The following OR9I1 variants were observed in gnomAD, a reference collection of about 807,000 sequenced individuals.
OR9I1 encodes the protein olfactory receptor family 9 subfamily I member 1.
A neutral mutation model predicts 11.2 loss-of-function variants in OR9I1; 7 were observed. The observed-to-expected ratio is 0.62, with a 90% CI of 0.36 to 1.17. The LOEUF (loss-of-function observed/expected upper bound fraction) is 1.17. OR9I1 is among the 50% of genes most tolerant of loss of function. The probability of loss-of-function intolerance (pLI) is 0.02; values close to 1 mark genes in which losing one functional copy is unlikely to be tolerated. For missense variants in OR9I1, 428 were observed against 377.2 expected (o/e 1.13, Z -1.12); for synonymous variants, 165 against 153.4 (o/e 1.08, Z -0.56).
chr11:58,117,345 C>T lies in OR9I1; in HGVS notation c.*1155G>A, dbSNP rs572075617. The T allele has an allele frequency of 2.0e-5, 3 of 152,248 alleles. No individual in the cohort carries two copies. In the East Asian group the frequency reaches 5.8e-4, roughly 29 times the overall value. 9.4% of individuals were successfully genotyped at this position (152,248 alleles called of 1,614,324 possible). A position where few individuals can be genotyped will look rare whatever the true frequency, so the allele number is the denominator to read the frequency against. ...ATTCTGATTCAAGCCTGACTCCATC[C>T]CTTGTCTACTGCTGTATACTCCGAG... is the stretch of plus-strand genomic sequence containing the variant. On this transcript the variant is annotated 3_prime_UTR_variant, in exon 3 of 3. Coordinates refer to ENST00000641439, the MANE Select transcript of OR9I1 (RefSeq NM_001005211.2).
chr11:58,123,537 T>A (rs117888224), intron 2 of OR9I1, among the ~76,000 whole-genome samples: 4 of 152,304 alleles, frequency 2.6e-5, no homozygotes, highest in Non-Finnish European at 5.9e-5. Flanking sequence ...GTTTCATACA[T>A]TAGCTCTAGT....
At chr11:58,120,055 A>G (rs1854012328) in intron 2 of OR9I1, among the ~76,000 whole-genome samples, 1 of 152,244 alleles carries the variant, frequency 6.6e-6, no homozygotes. Context: ...TTCAATGGGC[A>G]GTAAAAAAAT....
rs1321346480 is a variant in OR9I1, at chr11:58,119,192, A to G, written c.253T>C (p.Leu85=). ...GAGATGACCGTTTTGCCTGTGGCCAATGTGGCTAGGATCTGAGGGGTGATG... is the reference window on the plus strand; with the variant it reads ...GAGATGACCGTTTTGCCTGTGGCCAGTGTGGCTAGGATCTGAGGGGTGATG... The part of the protein sequence containing the change: ...SVITPQILAT[L]ATGKTVISYG... Residue 85 remains leucine (L), a synonymous_variant, in exon 3 of 3, where the codon TTG becomes CTG. Transcript: ENST00000641439. The G allele has an allele frequency of 1.9e-6, 3 of 1,614,030 alleles. No homozygotes were observed. Among genetic ancestry groups the G allele is most frequent in the Non-Finnish European group, 1.7e-6 (2 of 1,179,990 alleles).
intron 2 of OR9I1, among the ~76,000 whole-genome samples, chr11:58,122,654 G>A (rs954490405): frequency 1.5e-4 from 23 of 152,158 alleles, no homozygotes; most frequent in African/African-American, 5.5e-4. Context: ...TTACTCCTCA[G>A]TTCCTGATAA....
rs1032475494 is a variant in OR9I1, at chr11:58,116,824, G to C, written c.*1676C>G. 3 of 152,310 alleles carry C rather than the reference G, an allele frequency of 2.0e-5. No individual in the cohort carries two copies. The highest frequency in any genetic ancestry group is 6.5e-5 in the Admixed American group (1 of 15,294). The allele number at this position is 152,310 out of a possible 1,614,324, so 9.4% of individuals were successfully genotyped here. On this transcript the variant is annotated 3_prime_UTR_variant, in exon 3 of 3. Coordinates refer to ENST00000641439, the MANE Select transcript of OR9I1 (RefSeq NM_001005211.2). ...TAAAATTGTTGTTTCCATATGGAGA[G>C]GCAATGAGGATCAACTTTTCATAAA...
At chr11:58,122,378 T>C (rs983092675) in intron 2 of OR9I1, among the ~76,000 whole-genome samples, 25 of 152,244 alleles carry the variant, frequency 1.6e-4, no homozygotes, top group African/African-American at 6.0e-4. Context: ...GTCACCTCTA[T>C]GACAGGCACT....
chr11:58,124,758 C>T (rs1338468575), intron 1 of OR9I1, 119 bp from the exon 2 acceptor site: 4 of 152,188 alleles, frequency 2.6e-5, no homozygotes, highest in Non-Finnish European at 5.9e-5. Context: ...TGTTTAAATT[C>T]TAACCCTGGT....
At chr11:58,123,547 T>G (rs1294034969) in intron 2 of OR9I1, among the ~76,000 whole-genome samples, 1 of 152,194 alleles carries the variant, frequency 6.6e-6, no homozygotes, top group Non-Finnish European at 1.5e-5. Context: ...TTAGCTCTAG[T>G]CCTTCCTGAA....
Position 58,125,275 on chromosome 11 carries a change from T to A in OR9I1, c.-226A>T, listed in dbSNP as rs965022771. On this transcript the variant is annotated splice_region_variant and 5_prime_UTR_variant, in exon 1 of 3. Coordinates refer to ENST00000641439, the MANE Select transcript of OR9I1 (RefSeq NM_001005211.2). ...AAAAAAAAGCTGATCCAGTCTTACTTGTATATTTCACATAAGAGCTGAAAT... is the reference window on the plus strand; with the variant it reads ...AAAAAAAAGCTGATCCAGTCTTACTAGTATATTTCACATAAGAGCTGAAAT... The A allele has an allele frequency of 1.7e-4, 20 of 118,420 alleles. No homozygotes were observed. Among genetic ancestry groups the A allele is most frequent in the African/African-American group, 6.4e-4 (20 of 31,260 alleles). The allele number at this position is 118,420 out of a possible 1,614,324, so 7.3% of individuals were successfully genotyped here.
chr11:58,119,492 A>G, intron 2 of OR9I1, 26 bp from the exon 3 acceptor site: 1 of 1,228,544 alleles, frequency 8.1e-7, no homozygotes, highest in Non-Finnish European at 1.1e-6. Context: ...AAATAAAAAG[A>G]ATCTCAGAAT....
rs1321607953 is a variant in OR9I1, at chr11:58,118,253, A to AGC, written c.*246_*247insGC. On this transcript the variant is annotated 3_prime_UTR_variant, in exon 3 of 3. Transcript: ENST00000641439. ...CTGAGATTCTATAAGTTGTGACATT[A>AGC]GAGAATATTAAGAGACTGCCCAGTG... 2 of 342,382 alleles carry AGC rather than the reference A, an allele frequency of 5.8e-6. No homozygotes were observed. The highest frequency in any genetic ancestry group is 8.7e-5 in the Admixed American group (2 of 23,052). The allele number at this position is 342,382 out of a possible 1,614,324, so 21.2% of individuals were successfully genotyped here. A position where few individuals can be genotyped will look rare whatever the true frequency, so the allele number is the denominator to read the frequency against.
chr11:58,122,752 CCT>C (rs72412546), intron 2 of OR9I1, among the ~76,000 whole-genome samples: 3,549 of 152,012 alleles, frequency 0.023, 131 homozygotes, highest in African/African-American at 0.081. Flanking sequence ...TACTCCTTCC[CCT>C]GTTCCTCTTA....
Position 58,118,665 on chromosome 11 carries a change from CA to C in OR9I1, c.779del (p.Leu260ArgfsTer26). ...CCAGAGATTTGCCTGAGCCACTTTG[CA>C]GATACATGAAGATAAGGGCTCCAAA... ...LFFGALIFMY[L>X]QSGSGKSLEE... On this transcript the variant is annotated frameshift_variant, in exon 3 of 3. Coordinates refer to ENST00000641439, the MANE Select transcript of OR9I1 (RefSeq NM_001005211.2). LOFTEE classifies it high-confidence loss of function. The C allele has an allele frequency of 1.2e-6, 2 of 1,613,902 alleles. No individual in the cohort carries two copies. Among genetic ancestry groups the C allele is most frequent in the Non-Finnish European group, 1.7e-6 (2 of 1,179,960 alleles).
Position 58,118,822 on chromosome 11 carries a change from A to C in OR9I1, c.623T>G (p.Leu208Trp). 6.2e-7 allele frequency: 1 copy of C among 1,614,074 alleles called. No homozygotes were observed. The highest frequency in any genetic ancestry group is 8.5e-7 in the Non-Finnish European group (1 of 1,180,004). Residue 208 changes from leucine to tryptophan, a missense_variant, in exon 3 of 3, where the codon TTG (leucine) becomes TGG (tryptophan). Physicochemically the swap from Leu to Trp is moderately conservative, Grantham distance 61 (BLOSUM62 -2). Coordinates refer to ENST00000641439, the MANE Select transcript of OR9I1 (RefSeq NM_001005211.2). ...AATCAGGATGACGGAGGCATTGGCC[A>C]AAATCACAAAATTGCCAAAGAAGAT... ...VIIFFGNFVI[L>W]ANASVILISY...
intron 1 of OR9I1, among the ~76,000 whole-genome samples, chr11:58,124,979 A>G (rs1854074645): frequency 6.6e-6 from 1 of 152,150 alleles, no homozygotes; most frequent in Middle Eastern, 3.2e-3. Flanking sequence ...TACCTTGTCC[A>G]AGGTCACATG....
intron 2 of OR9I1, among the ~76,000 whole-genome samples, chr11:58,120,827 T>TATATATATAC (rs1232813620): frequency 1.6e-4 from 23 of 145,110 alleles, no homozygotes; most frequent in African/African-American, 4.8e-4. Context: ...TATATATATA[T>TATATATATAC]ACATATATTC....
intron 2 of OR9I1, among the ~76,000 whole-genome samples, chr11:58,121,674 ATGTT>A (rs1294991586): frequency 4.6e-5 from 7 of 152,292 alleles, no homozygotes; most frequent in Middle Eastern, 3.4e-3. Context: ...ATCTAGAACT[ATGTT>A]TGATGAAGCC....
chr11:58,119,556 C>A, intron 2 of OR9I1, 90 bp from the exon 3 acceptor site: 1 of 706,864 alleles, frequency 1.4e-6, no homozygotes, highest in Non-Finnish European at 2.3e-6. Flanking sequence ...AATTCTGGGT[C>A]TATTTGTAGA....
At chr11:58,124,854 G>A (rs896426359) in intron 1 of OR9I1, among the ~76,000 whole-genome samples, 2 of 152,100 alleles carry the variant, frequency 1.3e-5, no homozygotes, top group Non-Finnish European at 2.9e-5. Context: ...CATCTTCTCT[G>A]CGCTGATCAC....
Sources: allele counts gnomAD v4.1 joint callset (sites outside exome capture counted in the v4.1 genomes callset), GRCh38; gene constraint gnomAD v4.1.1; transcripts MANE v1.5; gene names NCBI Gene and HGNC (gene_info 2026-07-23, HGNC 2026-07-21).